The following NF2 variants were observed in gnomAD, a reference collection of about 807,000 sequenced individuals.
NF2 encodes the protein merlin.
Under a neutral mutation model 83.7 loss-of-function variants are expected in NF2, and 8 were observed. The observed-to-expected ratio is 0.10, with a 90% CI of 0.06 to 0.17. NF2 has a LOEUF of 0.17. Among genes scored for constraint, NF2 ranks in the 10% least tolerant of loss-of-function variants. The pLI, the probability that NF2 is intolerant of heterozygous loss-of-function variation, is 1.00. For missense variants in NF2, 533 were observed against 744.4 expected (o/e 0.72, Z 3.31); for synonymous variants, 266 against 269.6 (o/e 0.99, Z 0.13).
chr22:29,678,207 A>G lies in NF2; in HGVS notation c.1458A>G (p.Pro486=). The part of the protein sequence containing the change: ...ATKPTYPPMN[P]IPAPLPPDIP... Reference sequence around the variant, plus strand: ...TTTCTCATTAACAGCCCATGAACCCAATTCCAGCACCGTTGCCTCCTGACA... The same window carrying G: ...TTTCTCATTAACAGCCCATGAACCCGATTCCAGCACCGTTGCCTCCTGACA... The change falls in exon 14 of 16, where the codon CCA becomes CCG. Residue 486 remains proline, a synonymous_variant. Coordinates refer to ENST00000338641, the MANE Select transcript of NF2 (RefSeq NM_000268.4). The G allele has an allele frequency of 6.2e-7, 1 of 1,614,056 alleles. No homozygotes were observed. Among genetic ancestry groups the G allele is most frequent in the Non-Finnish European group, 8.5e-7 (1 of 1,179,960 alleles).
intron 1 of NF2, among the ~76,000 whole-genome samples, chr22:29,616,214 T>A (rs1182421854): frequency 6.6e-6 from 1 of 152,178 alleles, no homozygotes; most frequent in Non-Finnish European, 1.5e-5. Flanking sequence ...GTTTTATTTA[T>A]GAAGTGATGA....
At chr22:29,672,375 A>G (rs931129069) in intron 11 of NF2, among the ~76,000 whole-genome samples, 6 of 144,352 alleles carry the variant, frequency 4.2e-5, no homozygotes, top group Non-Finnish European at 1.5e-5. Flanking sequence ...GTACAGTGGC[A>G]CGATCTCAGC....
In NF2 at chr22:29,674,859, A is replaced by C; in HGVS notation, c.1364A>C (p.Lys455Thr). ...ERRAKEADQLKQDLQEAREAE... is the reference protein window; with the variant it reads ...ERRAKEADQLTQDLQEAREAE... ...AGGGCCAAAGAGGCAGATCAGCTGA[A>C]GCAGGACCTGCAGGAAGCACGCGAG... Residue 455 changes from lysine (K) to threonine (T), a missense_variant, in exon 13 of 16, where the codon AAG (lysine) becomes ACG (threonine). Coordinates refer to ENST00000338641, the MANE Select transcript of NF2 (RefSeq NM_000268.4). 1 of 1,563,686 alleles carries C rather than the reference A, an allele frequency of 6.4e-7. No homozygotes were observed. The highest frequency in any genetic ancestry group is 1.4e-5 in the African/African-American group (1 of 73,850).
intron 15 of NF2, 63 bp downstream of exon 15, chr22:29,681,664 G>C (rs1287547664): frequency 2.9e-5 from 47 of 1,603,432 alleles, no homozygotes; most frequent in Non-Finnish European, 3.4e-5. Flanking sequence ...ATGTGCGGTT[G>C]GCATCTGGTT....
chr22:29,680,312 A>C (rs959958120), intron 14 of NF2, among the ~76,000 whole-genome samples: 10 of 152,246 alleles, frequency 6.6e-5, no homozygotes, highest in African/African-American at 1.9e-4. Context: ...GGGTTTCACC[A>C]TGTTGGTCAG....
Position 29,636,623 on chromosome 22 carries a change from A to T in NF2, c.115-128A>T. 2 of 1,152,214 alleles carry T rather than the reference A, an allele frequency of 1.7e-6. No homozygotes were observed. Among genetic ancestry groups the T allele is most frequent in the Non-Finnish European group, 2.6e-6 (2 of 767,328 alleles). The allele number at this position is 1,152,214 out of a possible 1,614,324, so 71.4% of individuals were successfully genotyped here. On this transcript the variant is annotated intron_variant, in intron 1 of 15. Coordinates refer to ENST00000338641, the MANE Select transcript of NF2 (RefSeq NM_000268.4). The surrounding 1 kb of genome is among the most constrained non-coding windows in gnomAD (Gnocchi z 4.4). ...AAGGAAGCTTTAAAATTATTTAGGA[A>T]TTCAGTCCTCATCAGCTGTCTTAGT... is the stretch of plus-strand genomic sequence containing the variant.
At chr22:29,650,492 T>C (rs1283474892) in intron 4 of NF2, among the ~76,000 whole-genome samples, 3 of 152,204 alleles carry the variant, frequency 2.0e-5, no homozygotes, top group Non-Finnish European at 4.4e-5. Flanking sequence ...GTTTATGACT[T>C]GCCTACTACT....
intron 4 of NF2, among the ~76,000 whole-genome samples, chr22:29,651,616 T>A (rs570207564): frequency 6.6e-6 from 1 of 152,342 alleles, no homozygotes; most frequent in Non-Finnish European, 1.5e-5. Flanking sequence ...CTTCCCTTGT[T>A]GTTTAAAGAG....
intron 8 of NF2, among the ~76,000 whole-genome samples, chr22:29,661,630 A>G (rs2066481211): frequency 6.6e-6 from 1 of 152,212 alleles, no homozygotes; most frequent in Non-Finnish European, 1.5e-5. Flanking sequence ...ATTTTTGTCG[A>G]TACATTCTCT....
At chr22:29,611,368 C>A (rs1231069084) in intron 1 of NF2, among the ~76,000 whole-genome samples, 5 of 151,020 alleles carry the variant, frequency 3.3e-5, no homozygotes, top group African/African-American at 9.7e-5. Flanking sequence ...ACTACAAATA[C>A]AAAAAAAAAT....
intron 4 of NF2, among the ~76,000 whole-genome samples, chr22:29,646,478 G>T (rs1407863253): frequency 6.6e-6 from 1 of 152,116 alleles, no homozygotes; most frequent in Non-Finnish European, 1.5e-5. Flanking sequence ...AGTCATACTG[G>T]TTCCTTCCAT....
At chr22:29,677,432 T>C (rs1400360127) in intron 13 of NF2, among the ~76,000 whole-genome samples, 1 of 150,802 alleles carries the variant, frequency 6.6e-6, no homozygotes, top group African/African-American at 2.4e-5. Flanking sequence ...GTAGGGCAAA[T>C]AGTAGGAGAA....
At chr22:29,604,442 C>T (rs371978800) in intron 1 of NF2, among the ~76,000 whole-genome samples, 1 of 151,848 alleles carries the variant, frequency 6.6e-6, no homozygotes, top group East Asian at 1.9e-4. Flanking sequence ...TGTTATGTAC[C>T]CAGGTATTAG....
chr22:29,628,709 C>A (rs937640365), intron 1 of NF2, among the ~76,000 whole-genome samples: 2 of 144,480 alleles, frequency 1.4e-5, no homozygotes, highest in African/African-American at 5.2e-5. Flanking sequence ...TGGTTTACTG[C>A]AACCTCTGCC....
intron 15 of NF2, among the ~76,000 whole-genome samples, chr22:29,686,816 T>C (rs994081154): frequency 6.6e-6 from 1 of 152,164 alleles, no homozygotes; most frequent in African/African-American, 2.4e-5. Flanking sequence ...AGAGCAGTGC[T>C]AGCGATCAAA....
At chr22:29,676,080 A>C (rs904091809) in intron 13 of NF2, among the ~76,000 whole-genome samples, 16 of 152,184 alleles carry the variant, frequency 1.1e-4, no homozygotes, top group Non-Finnish European at 5.9e-5. Flanking sequence ...TGGTGGTCAC[A>C]GTCAGATGGT....
At chr22:29,687,550 G>C (rs2079339) in intron 15 of NF2, among the ~76,000 whole-genome samples, 1 of 152,030 alleles carries the variant, frequency 6.6e-6, no homozygotes, top group Non-Finnish European at 1.5e-5. Flanking sequence ...CCTCCCTGGC[G>C]ACCTCTGGTC....
rs977196385 is a variant in NF2 at position 29,636,543 on chromosome 22, T to C, written c.115-208T>C. On this transcript the variant is annotated intron_variant, in intron 1 of 15. Coordinates refer to ENST00000338641, the MANE Select transcript of NF2 (RefSeq NM_000268.4). The surrounding 1 kb of genome is among the most constrained non-coding windows in gnomAD (Gnocchi z 4.4). ...TCCAAGGGATGTATTGTGTATGCTT[T>C]GCAGTGATTAAGCCATTAAGCTCTA... Among the ~76,000 whole-genome samples, 1 of 152,220 alleles carries C rather than the reference T, an allele frequency of 6.6e-6. No individual in the cohort carries two copies. Among genetic ancestry groups the C allele is most frequent in the African/African-American group, 2.4e-5 (1 of 41,460 alleles).
At chr22:29,644,544 C>T (rs1405051113) in intron 4 of NF2, among the ~76,000 whole-genome samples, 6 of 151,936 alleles carry the variant, frequency 3.9e-5, no homozygotes, top group African/African-American at 9.6e-5. Context: ...GCTGCAATCT[C>T]GGCACTTTGG....
Sources: gnomAD v4.1 joint callset for allele counts (sites outside exome capture counted in the v4.1 genomes callset) on GRCh38, gnomAD v4.1.1 for gene constraint, Gnocchi (gnomAD v3.1) non-coding constraint, MANE v1.5 for transcripts, NCBI Gene and HGNC (gene_info 2026-07-23, HGNC 2026-07-21) for gene names.